CD2AP: variants seen among roughly 807,000 people sequenced by gnomAD.
The protein encoded by CD2AP is CD2 associated protein.
CD2AP carries 46 observed loss-of-function variants against 85.1 expected under a neutral mutation model. The ratio of observed to expected loss-of-function variants is 0.54; its 90% CI spans 0.43 to 0.69. The LOEUF (loss-of-function observed/expected upper bound fraction) is 0.69, where lower values mean the gene tolerates loss of function less well. CD2AP is among the 30% of genes least tolerant of loss of function. The pLI is 0.00. For synonymous variants in CD2AP, 255 were observed against 252.9 expected (o/e 1.01, Z -0.08); for missense variants, 769 against 729.5 (o/e 1.05, Z -0.62).
chr6:47,522,986 G>C (rs1766635136), intron 2 of CD2AP, among the ~76,000 whole-genome samples: 1 of 151,902 alleles, frequency 6.6e-6, no homozygotes, highest in Admixed American at 6.6e-5. Context: ...TGCTGATTTA[G>C]TTTTTGACTG....
chr6:47,521,536 A>G (rs1766594939), intron 2 of CD2AP, among the ~76,000 whole-genome samples: 1 of 152,048 alleles, frequency 6.6e-6, no homozygotes, highest in South Asian at 2.1e-4. Flanking sequence ...TGTGTTGCAG[A>G]GTGAGACTCC....
At chr6:47,588,307 A>G (rs1768685505) in intron 11 of CD2AP, among the ~76,000 whole-genome samples, 1 of 152,150 alleles carries the variant, frequency 6.6e-6, no homozygotes, top group African/African-American at 2.4e-5. Context: ...GTTAAACTCC[A>G]TGAGGGAAAA....
At chr6:47,510,272 A>G (rs1043628155) in intron 2 of CD2AP, among the ~76,000 whole-genome samples, 2 of 152,234 alleles carry the variant, frequency 1.3e-5, no homozygotes, top group Non-Finnish European at 2.9e-5. Flanking sequence ...ATACACAAAT[A>G]TATGTATTCC....
rs574553566 is a variant in CD2AP, at chr6:47,589,531, C to T, written c.1109-6330C>T. On this transcript the variant is annotated intron_variant, in intron 11 of 17. Coordinates refer to ENST00000359314, the MANE Select transcript of CD2AP (RefSeq NM_012120.3). ...ACATACGTATGTACACACATATATA[C>T]ACATATGTACACATATATATACACA... is the stretch of plus-strand genomic sequence containing the variant. Among the ~76,000 whole-genome samples the T allele has an allele frequency of 1.2e-3, 72 of 59,328 alleles. 1 individual carries two copies. The highest frequency in any genetic ancestry group is 2.2e-4 in the Non-Finnish European group (5 of 22,746). 38.9% of individuals were successfully genotyped at this position (59,328 alleles called of 152,430 possible).
rs746327167 is a variant in CD2AP at position 47,574,269 on chromosome 6, G to A, written c.729+18G>A. 6 of 1,602,762 alleles carry A rather than the reference G, an allele frequency of 3.7e-6. No homozygotes were observed. The highest frequency in any genetic ancestry group is 1.1e-5 in the South Asian group (1 of 90,722). On this transcript the variant is annotated intron_variant, in intron 6 of 17. Coordinates refer to ENST00000359314, the MANE Select transcript of CD2AP (RefSeq NM_012120.3). ...CAGAAAAGGTGGTAATGATGGACTT[G>A]TTAGATTAACTCCACTCATTCTCTC... is the stretch of plus-strand genomic sequence containing the variant.
At chr6:47,547,288 G>C (rs1325743458) in intron 4 of CD2AP, among the ~76,000 whole-genome samples, 1 of 152,100 alleles carries the variant, frequency 6.6e-6, no homozygotes, top group Non-Finnish European at 1.5e-5. Context: ...ACCCTCTGCT[G>C]CCTTCAAGAG....
intron 2 of CD2AP, among the ~76,000 whole-genome samples, chr6:47,510,874 A>C (rs1766294218): frequency 6.6e-6 from 1 of 151,956 alleles, no homozygotes; most frequent in Admixed American, 6.6e-5. Flanking sequence ...AGAGATCGAG[A>C]CCATCCTGGC....
At position 47,479,728 on chromosome 6, in the gene CD2AP, G is replaced by T. The variant is rs1280417170; in HGVS notation, c.4+1480G>T. ...ATGCAGAATAAAATTAAACTACTTT[G>T]GATGACCTGGGGATGCAGTCTTGTT... On this transcript the variant is annotated intron_variant, in intron 1 of 17. Coordinates refer to ENST00000359314, the MANE Select transcript of CD2AP (RefSeq NM_012120.3). 2.0e-5 allele frequency among the ~76,000 whole-genome samples: 3 copies of T among 152,212 alleles called. No homozygotes were observed. The South Asian group carries it at 6.2e-4, about 32-fold the overall frequency.
At chr6:47,496,303 C>G (rs1248524422) in intron 1 of CD2AP, among the ~76,000 whole-genome samples, 1 of 152,078 alleles carries the variant, frequency 6.6e-6, no homozygotes, top group Non-Finnish European at 1.5e-5. Flanking sequence ...CCTTCTGGCT[C>G]CCATCGTTGT....
At chr6:47,502,493 GTT>G (rs370906372) in intron 1 of CD2AP, among the ~76,000 whole-genome samples, 3 of 129,440 alleles carry the variant, frequency 2.3e-5, no homozygotes, top group Admixed American at 7.8e-5. Flanking sequence ...GAACTCCTGA[GTT>G]TTTTTTTTTT....
At chr6:47,589,492 GCACATATATATACACATACGTATGTACA>G (rs1768722253) in intron 11 of CD2AP, among the ~76,000 whole-genome samples, 1 of 141,760 alleles carries the variant, frequency 7.1e-6, no homozygotes, top group Admixed American at 7.1e-5. Flanking sequence ...ATATGTATGT[GCACATATATATACACATACGTATGTACA>G]CACATATATA....
intron 11 of CD2AP, among the ~76,000 whole-genome samples, chr6:47,589,828 G>C (rs1190235535): frequency 6.6e-6 from 1 of 151,914 alleles, no homozygotes; most frequent in Non-Finnish European, 1.5e-5. Context: ...TAGTGAACTA[G>C]GTTTTGATTT....
At chr6:47,603,922 G>T (rs1224143890) in intron 13 of CD2AP, among the ~76,000 whole-genome samples, 2 of 152,000 alleles carry the variant, frequency 1.3e-5, no homozygotes, top group Non-Finnish European at 2.9e-5. Flanking sequence ...TTTACTGAAA[G>T]TGTACATGTC....
chr6:47,619,038 T>C (rs1769673734), intron 17 of CD2AP, among the ~76,000 whole-genome samples: 1 of 152,192 alleles, frequency 6.6e-6, no homozygotes, highest in South Asian at 2.1e-4. Context: ...AACATACAAG[T>C]GCTAAAAGAG....
At chr6:47,537,394 A>T (rs1414296818) in intron 3 of CD2AP, among the ~76,000 whole-genome samples, 6 of 152,178 alleles carry the variant, frequency 3.9e-5, no homozygotes, top group Middle Eastern at 3.4e-3. Context: ...AAATGACTAG[A>T]TCATCTTGGG....
intron 11 of CD2AP, among the ~76,000 whole-genome samples, chr6:47,592,679 G>A (rs1038727778): frequency 2.0e-5 from 3 of 152,100 alleles, no homozygotes; most frequent in Non-Finnish European, 4.4e-5. Flanking sequence ...CCAACCAAAT[G>A]TTTAGCTTTC....
intron 3 of CD2AP, among the ~76,000 whole-genome samples, chr6:47,539,102 A>T (rs1243972614): frequency 6.6e-6 from 1 of 152,204 alleles, no homozygotes; most frequent in Non-Finnish European, 1.5e-5. Flanking sequence ...ATGATTCAGA[A>T]TTCACAGTCT....
intron 5 of CD2AP, among the ~76,000 whole-genome samples, chr6:47,560,326 T>C (rs1471331880): frequency 1.3e-5 from 2 of 152,184 alleles, no homozygotes; most frequent in African/African-American, 4.8e-5. Context: ...ACATTTAATA[T>C]TGATAATATT....
chr6:47,528,946 C>T (rs560936943), intron 2 of CD2AP, among the ~76,000 whole-genome samples: 1 of 151,972 alleles, frequency 6.6e-6, no homozygotes, highest in African/African-American at 2.4e-5. Context: ...CATTATGTGG[C>T]TTATCTTCTC....
Sources: allele counts gnomAD v4.1 joint callset (sites outside exome capture counted in the v4.1 genomes callset), GRCh38; gene constraint gnomAD v4.1.1; transcripts MANE v1.5; gene names NCBI Gene and HGNC (gene_info 2026-07-23, HGNC 2026-07-21).